GOLGA4: variants seen among roughly 807,000 people sequenced by gnomAD.
The protein encoded by GOLGA4 is golgin A4.
GOLGA4 carries 169 observed loss-of-function variants against 265.9 expected under a neutral mutation model. The ratio of observed to expected loss-of-function variants is 0.64; its 90% CI spans 0.56 to 0.72. The LOEUF (loss-of-function observed/expected upper bound fraction) is 0.72. Among genes scored for constraint, GOLGA4 ranks in the 30% least tolerant of loss-of-function variants. The pLI, the probability that GOLGA4 is intolerant of heterozygous loss-of-function variation, is 0.00. For synonymous variants in GOLGA4, 923 were observed against 855.8 expected (o/e 1.08, Z -1.37); for missense variants, 2,482 against 2,483.4 (o/e 1.00, Z 0.01).
rs2096832089 is a variant in GOLGA4, at chr3:37,280,549, ACCTG to A, written c.163-1408_163-1405del. On this transcript the variant is annotated intron_variant, in intron 2 of 23. Transcript: ENST00000361924. ...CTGAAAAAAATCTGAAATCCAAAAT[ACCTG>A]GTTCCAAGCTTTTTGAATAAGGAGT... 3.3e-5 allele frequency among the ~76,000 whole-genome samples: 5 copies of A among 152,328 alleles called. 1 individual carries two copies. The highest frequency in any genetic ancestry group is 1.2e-4 in the African/African-American group (5 of 41,568).
chr3:37,243,883 T>C (rs777680349), intron 1 of GOLGA4: 41 of 520,452 alleles, frequency 7.9e-5, no homozygotes, highest in Non-Finnish European at 1.0e-4. Context: ...CCATCTCCGT[T>C]AAGAGTTTTC....
At chr3:37,306,983 G>T (rs886474933) in intron 10 of GOLGA4, among the ~76,000 whole-genome samples, 1 of 151,834 alleles carries the variant, frequency 6.6e-6, no homozygotes, top group African/African-American at 2.4e-5. Context: ...AATATATATA[G>T]CCATTAAAAA....
At chr3:37,307,199 C>G (rs1288651038) in intron 10 of GOLGA4, among the ~76,000 whole-genome samples, 4 of 152,132 alleles carry the variant, frequency 2.6e-5, no homozygotes, top group Non-Finnish European at 5.9e-5. Context: ...CTTGGACTAA[C>G]TCATAACATT....
rs1441337365 is a variant in GOLGA4, at chr3:37,335,085, G to A, written c.6225G>A (p.Arg2075=). ...AREEEMTAKV[R]DLQTQLEELQ... is the part of the protein sequence containing the mutation. ...AAGAAGAAATGACTGCAAAAGTAAG[G>A]GACCTGCAGACTCAACTTGAGGAGC... The change falls in exon 17 of 24, where the codon AGG becomes AGA. Residue 2075 remains arginine (R), a synonymous_variant. Transcript: ENST00000361924. 8 of 1,606,830 alleles carry A rather than the reference G, an allele frequency of 5.0e-6. No homozygotes were observed. The highest frequency in any genetic ancestry group is 6.8e-6 in the Non-Finnish European group (8 of 1,175,078).
At position 37,302,334 on chromosome 3, in the gene GOLGA4, T is replaced by C; in HGVS notation, c.1234+2T>C. On this transcript the variant is annotated splice_donor_variant, in intron 10 of 23. Transcript: ENST00000361924. LOFTEE classifies it high-confidence loss of function. ...AGAAAGAAAAGTCCGAAAGAGCTGG[T>C]AAGAACTTGAGGGTTACTTGTTTTA... is the stretch of plus-strand genomic sequence containing the variant. The C allele has an allele frequency of 1.9e-6, 3 of 1,612,382 alleles. No individual in the cohort carries two copies. The highest frequency in any genetic ancestry group is 2.5e-6 in the Non-Finnish European group (3 of 1,179,032).
At chr3:37,309,936 G>A (rs116750923) in intron 10 of GOLGA4, among the ~76,000 whole-genome samples, 5,852 of 152,302 alleles carry the variant, frequency 0.038, 142 homozygotes, top group African/African-American at 0.056. Flanking sequence ...TTGCCAAAGA[G>A]GCTTGATGAT....
rs1348719097 is a variant in GOLGA4 at position 37,324,020 on chromosome 3, G to A, written c.2134G>A (p.Asp712Asn). Residue 712 changes from aspartate to asparagine, a missense_variant, in exon 14 of 24, where the codon GAT (aspartate) becomes AAT (asparagine). Physicochemically the swap from Asp to Asn is conservative, Grantham distance 23. Coordinates refer to ENST00000361924, the MANE Select transcript of GOLGA4 (RefSeq NM_002078.5). ...KLEEELSVLK[D>N]QTDKMKQELE... Reference sequence around the variant, plus strand: ...AGAAGAGGAACTTTCTGTTCTGAAAGATCAAACAGATAAAATGAAGCAGGA... The same window carrying A: ...AGAAGAGGAACTTTCTGTTCTGAAAAATCAAACAGATAAAATGAAGCAGGA... 2.5e-6 allele frequency: 4 copies of A among 1,613,724 alleles called. No homozygotes were observed. The highest frequency in any genetic ancestry group is 3.4e-6 in the Non-Finnish European group (4 of 1,179,864).
chr3:37,243,683 G>C (rs376259124), intron 1 of GOLGA4, 61 bp downstream of exon 1: 1 of 1,377,112 alleles, frequency 7.3e-7, no homozygotes, highest in African/African-American at 1.4e-5. Context: ...GCCCGCGGAC[G>C]AAAGAGGCGG....
chr3:37,350,090 C>T (rs756723491), intron 21 of GOLGA4, among the ~76,000 whole-genome samples: 3 of 152,138 alleles, frequency 2.0e-5, no homozygotes, highest in Non-Finnish European at 4.4e-5. Context: ...ATGCCTCTCC[C>T]TAAGGAATAC....
At position 37,355,094 on chromosome 3, in the gene GOLGA4, C is replaced by T; in HGVS notation, c.6577-7C>T. 6.5e-7 allele frequency: 1 copy of T among 1,548,834 alleles called. No homozygotes were observed. Among genetic ancestry groups the T allele is most frequent in the Non-Finnish European group, 8.9e-7 (1 of 1,121,290 alleles). On this transcript the variant is annotated splice_polypyrimidine_tract_variant and splice_region_variant and intron_variant, in intron 21 of 23. Coordinates refer to ENST00000361924, the MANE Select transcript of GOLGA4 (RefSeq NM_002078.5). ...CTGTTAGTGATCATCTCTTGTTTTT[C>T]TTGTAGACCATGGCAAAAGTTATAA...
Position 37,298,901 on chromosome 3 carries a change from C to G in GOLGA4, c.883C>G (p.Leu295Val), listed in dbSNP as rs779374198. Residue 295 changes from leucine to valine, a missense_variant, in exon 8 of 24, where the codon CTT becomes GTT. Transcript: ENST00000361924. ...QQRVKRQENL[L>V]KRCKETIQSH... The stretch of plus-strand genomic sequence containing the variant: ...AAGAGTGAAGCGTCAAGAGAACCTA[C>G]TTAAGCGTTGTAAGGAAACAATTCA... 1.9e-6 allele frequency: 3 copies of G among 1,613,512 alleles called. No homozygotes were observed. In the African/African-American group the frequency reaches 4.0e-5, roughly 22 times the overall value.
intron 22 of GOLGA4, among the ~76,000 whole-genome samples, chr3:37,360,910 A>G (rs1339657254): frequency 2.0e-5 from 3 of 152,196 alleles, no homozygotes; most frequent in Non-Finnish European, 4.4e-5. Context: ...TGGAATTATG[A>G]AAGAGATCCT....
intron 16 of GOLGA4, among the ~76,000 whole-genome samples, chr3:37,332,430 T>G (rs1030227191): frequency 6.6e-6 from 1 of 152,132 alleles, no homozygotes; most frequent in African/African-American, 2.4e-5. Flanking sequence ...TTGCTTGAGC[T>G]TGGGAGGTCA....
chr3:37,281,728 C>T (rs1396964309), intron 2 of GOLGA4, among the ~76,000 whole-genome samples: 1 of 152,190 alleles, frequency 6.6e-6, no homozygotes, highest in Non-Finnish European at 1.5e-5. Flanking sequence ...GGGCATTCTA[C>T]CTCTAGGTGA....
At position 37,296,099 on chromosome 3, in the gene GOLGA4, A is replaced by G; in HGVS notation, c.694A>G (p.Lys232Glu). 1 of 1,613,958 alleles carries G rather than the reference A, an allele frequency of 6.2e-7. No individual in the cohort carries two copies. Among genetic ancestry groups the G allele is most frequent in the Non-Finnish European group, 8.5e-7 (1 of 1,179,820 alleles). Residue 232 changes from lysine to glutamate, a missense_variant, in exon 7 of 24, where the codon AAA (lysine) becomes GAA (glutamate). Physicochemically the swap from Lys to Glu is moderately conservative, Grantham distance 56. Around this residue, in one of 3 missense-constraint regions of GOLGA4, gnomAD observed 1,536 missense variants for 1,483.7 expected, o/e 1.04. Coordinates refer to ENST00000361924, the MANE Select transcript of GOLGA4 (RefSeq NM_002078.5). ...ACATTTATATTAGGTTTCTCTACTG[A>G]AACAACGATTACGAAATGGCCCGAT... Reference protein sequence around the residue: ...SVLQTQVSLLKQRLRNGPMNV... With the variant: ...SVLQTQVSLLEQRLRNGPMNV...
At chr3:37,269,885 CTTTTTTTT>C (rs763272448) in intron 2 of GOLGA4, among the ~76,000 whole-genome samples, 4 of 79,028 alleles carry the variant, frequency 5.1e-5, no homozygotes, top group Non-Finnish European at 7.1e-5. Context: ...TGTAGGGTAG[CTTTTTTTT>C]TTTTTTTTTT....
Position 37,326,607 on chromosome 3 carries a change from A to G in GOLGA4, c.4721A>G (p.Glu1574Gly). The G allele has an allele frequency of 1.2e-6, 2 of 1,613,396 alleles. No individual in the cohort carries two copies. Residue 1574 changes from glutamate to glycine, a missense_variant, in exon 14 of 24, where the codon GAA becomes GGA. By Grantham distance (98) the Glu-to-Gly change is moderately conservative. This residue lies in a region of GOLGA4 where 942 missense variants were observed against 983.1 expected (regional missense o/e 0.96). Transcript: ENST00000361924. ...CTTCAACATTTTCAAGAGTTAGGAG[A>G]AGAAAAGGACAACAGGGTTAAAGAA... ...QKLQHFQELG[E>G]EKDNRVKEAE...
chr3:37,331,648 A>G (rs2096990796), intron 16 of GOLGA4, among the ~76,000 whole-genome samples: 1 of 152,164 alleles, frequency 6.6e-6, no homozygotes, highest in South Asian at 2.1e-4. Flanking sequence ...CAGTGATGAC[A>G]TTGTAGAATG....
chr3:37,328,215 A>G (rs1420379615), intron 14 of GOLGA4, among the ~76,000 whole-genome samples: 1 of 150,578 alleles, frequency 6.6e-6, no homozygotes, highest in Non-Finnish European at 1.5e-5. Context: ...AGAGGTAATC[A>G]TAGTTGATAT....
Sources: allele counts gnomAD v4.1 joint callset (sites outside exome capture counted in the v4.1 genomes callset), GRCh38; gene constraint gnomAD v4.1.1; regional missense constraint gnomAD v4.1.1; transcripts MANE v1.5; gene names NCBI Gene and HGNC (gene_info 2026-07-23, HGNC 2026-07-21).